SLC5A11: variants seen among roughly 807,000 people sequenced by gnomAD.
SLC5A11 encodes the protein sodium/myo-inositol cotransporter 2.
SLC5A11 carries 48 observed loss-of-function variants against 69.8 expected under a neutral mutation model. The ratio of observed to expected loss-of-function variants is 0.69; its 90% CI spans 0.55 to 0.87. The LOEUF (loss-of-function observed/expected upper bound fraction) is 0.87, where lower values mean the gene tolerates loss of function less well. Ranked by LOEUF, SLC5A11 falls within the 40% of genes least tolerant of loss-of-function variation. The probability of loss-of-function intolerance (pLI) is 0.00; values close to 1 mark genes in which losing one functional copy is unlikely to be tolerated. For missense variants in SLC5A11, 784 were observed against 866.1 expected (o/e 0.91, Z 1.19); for synonymous variants, 319 against 342.4 (o/e 0.93, Z 0.75).
chr16:24,900,935 A>G (rs978058), intron 10 of SLC5A11, among the ~76,000 whole-genome samples: 66,967 of 149,214 alleles, frequency 0.45, 15,402 homozygotes, highest in Non-Finnish European at 0.49. Flanking sequence ...AAAAAAAAAA[A>G]AAAAGGAAAG....
intron 1 of SLC5A11, among the ~76,000 whole-genome samples, chr16:24,849,587 A>ATAT (rs1446103229): frequency 3.9e-4 from 32 of 81,856 alleles, no homozygotes; most frequent in East Asian, 5.5e-4. Context: ...AAAAAAAAAA[A>ATAT]AAAAAAATAT....
chr16:24,881,933 A>G (rs2048073638), intron 7 of SLC5A11, among the ~76,000 whole-genome samples: 1 of 152,192 alleles, frequency 6.6e-6, no homozygotes, highest in African/African-American at 2.4e-5. Context: ...GTGCCATGGA[A>G]TACTATTGGA....
chr16:24,865,946 G>A (rs547177625), intron 3 of SLC5A11, among the ~76,000 whole-genome samples: 4 of 151,346 alleles, frequency 2.6e-5, no homozygotes, highest in Middle Eastern at 3.4e-3. Context: ...TGCATAAATA[G>A]CATAAAAGGT....
At chr16:24,909,192 C>A in intron 14 of SLC5A11, 96 bp downstream of exon 15, 3 of 1,324,934 alleles carry the variant, frequency 2.3e-6, no homozygotes, top group Non-Finnish European at 3.2e-6. Context: ...ACTGATTGTC[C>A]AAAAAGCTGA....
chr16:24,849,594 ATATATATATATATATATAT>A lies in SLC5A11; in HGVS notation c.-25+3157_-25+3175del, dbSNP rs1287881035. 5.6e-5 allele frequency among the ~76,000 whole-genome samples: 3 copies of A among 53,982 alleles called. 1 individual carries two copies. The highest frequency in any genetic ancestry group is 8.5e-5 in the African/African-American group (1 of 11,804). 35.4% of individuals were successfully genotyped at this position (53,982 alleles called of 152,430 possible). A position where few individuals can be genotyped will look rare whatever the true frequency, so the allele number is the denominator to read the frequency against. On this transcript the variant is annotated intron_variant, in intron 1 of 15. Coordinates refer to ENST00000347898, the Ensembl canonical transcript of SLC5A11. ...GGGCAAAAAAAAAAAAAAAAAAAAA[ATATATATATATATATATAT>A]ATATATATATCCATGAGAGATGCCA...
intron 3 of SLC5A11, among the ~76,000 whole-genome samples, chr16:24,869,585 C>T (rs1007362115): frequency 3.3e-5 from 5 of 152,194 alleles, no homozygotes; most frequent in African/African-American, 1.2e-4. Flanking sequence ...TCCCGACCCC[C>T]GACCCCCGCA....
At chr16:24,892,808 A>G (rs1337130573) in intron 9 of SLC5A11, among the ~76,000 whole-genome samples, 1 of 152,184 alleles carries the variant, frequency 6.6e-6, no homozygotes, top group Non-Finnish European at 1.5e-5. Flanking sequence ...GGTCTCATCC[A>G]TAGGCCAGCC....
chr16:24,911,612 TTTTG>T, exon 16 of SLC5A11: 1 of 1,408,220 alleles, frequency 7.1e-7, no homozygotes, highest in Non-Finnish European at 9.9e-7. Context: ...ATAATAAAGC[TTTTG>T]TTTACCACAA....
At chr16:24,863,849 G>A (rs1024922137) in intron 3 of SLC5A11, among the ~76,000 whole-genome samples, 4 of 152,076 alleles carry the variant, frequency 2.6e-5, no homozygotes, top group Admixed American at 2.6e-4. Flanking sequence ...CAACTGAAGA[G>A]GTCAGAATGG....
At chr16:24,849,852 T>C (rs978534850) in intron 1 of SLC5A11, among the ~76,000 whole-genome samples, 29 of 151,864 alleles carry the variant, frequency 1.9e-4, no homozygotes, top group African/African-American at 7.0e-4. Flanking sequence ...TATTTCCAGA[T>C]ACCTGAAGCC....
intron 10 of SLC5A11, among the ~76,000 whole-genome samples, chr16:24,905,662 A>G (rs905206943): frequency 3.3e-5 from 5 of 151,642 alleles, no homozygotes; most frequent in Admixed American, 6.6e-5. Flanking sequence ...ACACACACAC[A>G]CACACACACA....
At chr16:24,867,553 G>A (rs1240043939) in intron 3 of SLC5A11, among the ~76,000 whole-genome samples, 1 of 151,982 alleles carries the variant, frequency 6.6e-6, no homozygotes, top group Non-Finnish European at 1.5e-5. Flanking sequence ...ATAGAAAACT[G>A]TTAGAGGAAA....
intron 1 of SLC5A11, among the ~76,000 whole-genome samples, chr16:24,856,437 A>T (rs1204816586): frequency 6.6e-6 from 1 of 151,752 alleles, no homozygotes; most frequent in African/African-American, 2.4e-5. Context: ...AGCCTGGGGA[A>T]CATAGGGAAA....
At chr16:24,880,586 G>A (rs1029100712) in intron 7 of SLC5A11, among the ~76,000 whole-genome samples, 6 of 151,948 alleles carry the variant, frequency 3.9e-5, no homozygotes, top group African/African-American at 7.3e-5. Context: ...TGCCCGCTTC[G>A]GCCTCCCAAA....
At chr16:24,847,793 G>A (rs1434059378) in intron 1 of SLC5A11, among the ~76,000 whole-genome samples, 1 of 152,202 alleles carries the variant, frequency 6.6e-6, no homozygotes, top group Non-Finnish European at 1.5e-5. Flanking sequence ...GCGTGCAAAG[G>A]ATCTATAGCA....
chr16:24,875,342 G>A (rs749723744), intron 5 of SLC5A11, among the ~76,000 whole-genome samples: 19 of 151,950 alleles, frequency 1.3e-4, no homozygotes, highest in Non-Finnish European at 2.4e-4. Flanking sequence ...CTGTCACCAC[G>A]CATGACTAAA....
chr16:24,855,263 G>C (rs1005679195), intron 1 of SLC5A11, among the ~76,000 whole-genome samples: 1 of 152,020 alleles, frequency 6.6e-6, no homozygotes, highest in Non-Finnish European at 1.5e-5. Context: ...AGAGGGTTAG[G>C]GTTATGAGGA....
intron 1 of SLC5A11, among the ~76,000 whole-genome samples, chr16:24,846,983 C>T (rs1299092715): frequency 2.0e-5 from 3 of 152,138 alleles, no homozygotes; most frequent in African/African-American, 7.2e-5. Flanking sequence ...GGTACAGCAC[C>T]CCCTAATTCA....
chr16:24,893,062 GGAGT>G lies in SLC5A11; in HGVS notation c.870+1989_870+1992del, dbSNP rs551378256. On this transcript the variant is annotated intron_variant, in intron 9 of 15. Coordinates refer to ENST00000347898, the Ensembl canonical transcript of SLC5A11. ...AAGGCGGGTGGATCACCTGAAGTCA[GGAGT>G]TTGAGACCAGCCTGGCCAACATGGC... Among the ~76,000 whole-genome samples the G allele has an allele frequency of 2.7e-3, 408 of 149,906 alleles. 3 individuals carry two copies. The highest frequency in any genetic ancestry group is 3.2e-3 in the Non-Finnish European group (219 of 67,814).
Sources: gnomAD v4.1 joint callset for allele counts (sites outside exome capture counted in the v4.1 genomes callset) on GRCh38, gnomAD v4.1.1 for gene constraint, MANE v1.5 for transcripts, NCBI Gene and HGNC (gene_info 2026-07-23, HGNC 2026-07-21) for gene names.